PRELID2: variants seen among roughly 807,000 people sequenced by gnomAD.
PRELID2 encodes PRELI domain-containing protein 2.
PRELID2 carries 25 observed loss-of-function variants against 28.4 expected under a neutral mutation model. The observed-to-expected ratio is 0.88, with a 90% confidence interval of 0.64 to 1.23. The LOEUF (loss-of-function observed/expected upper bound fraction) is 1.23, where lower values mean the gene tolerates loss of function less well. PRELID2 is among the 50% of genes most tolerant of loss of function. The probability of loss-of-function intolerance (pLI) is 0.00; values close to 1 mark genes in which losing one functional copy is unlikely to be tolerated. For missense variants in PRELID2, 201 were observed against 214.4 expected (o/e 0.94, Z 0.39); for synonymous variants, 76 against 71.6 (o/e 1.06, Z -0.31).
At chr5:145,502,420 T>A (rs1289493498) in intron 1 of PRELID2, among the ~76,000 whole-genome samples, 1 of 152,052 alleles carries the variant, frequency 6.6e-6, no homozygotes, top group African/African-American at 2.4e-5. Flanking sequence ...AATATGAGAT[T>A]TGAGTGGGGA....
chr5:145,498,521 T>C (rs1035280508), intron 1 of PRELID2, among the ~76,000 whole-genome samples: 2 of 151,696 alleles, frequency 1.3e-5, no homozygotes, highest in African/African-American at 4.8e-5. Flanking sequence ...TTTGTTTGCT[T>C]TGTTTTGTTG....
chr5:145,585,399 A>G (rs751841847), intron 1 of PRELID2, among the ~76,000 whole-genome samples: 2 of 152,194 alleles, frequency 1.3e-5, no homozygotes, highest in African/African-American at 4.8e-5. Flanking sequence ...ATGTTTACCT[A>G]TGTAACAAAT....
At chr5:145,725,060 T>C (rs1048390718) in intron 1 of PRELID2, among the ~76,000 whole-genome samples, 4 of 152,080 alleles carry the variant, frequency 2.6e-5, no homozygotes, top group African/African-American at 4.8e-5. Context: ...ACTTTTTAAA[T>C]GTGGATCTCT....
At chr5:145,239,693 C>T in the PRELID2 span, among the ~76,000 whole-genome samples, 1 of 151,880 alleles carries the variant, frequency 6.6e-6, no homozygotes, top group Non-Finnish European at 1.5e-5. Context: ...GTAAGTTATC[C>T]ATGGAGATAT....
intron 2 of PRELID2, among the ~76,000 whole-genome samples, chr5:145,821,921 A>G (rs748590936): frequency 2.6e-5 from 4 of 152,268 alleles, no homozygotes; most frequent in Non-Finnish European, 5.9e-5. Context: ...CAAGGTAGTA[A>G]TGAAATCAAG....
chr5:145,822,896 C>T (rs1259297168), intron 2 of PRELID2, among the ~76,000 whole-genome samples, 181 bp downstream of exon 2: 1 of 152,166 alleles, frequency 6.6e-6, no homozygotes, highest in Non-Finnish European at 1.5e-5. Flanking sequence ...CTACCTGCCA[C>T]ACCTTTCTAA....
the PRELID2 span, among the ~76,000 whole-genome samples, chr5:145,403,131 T>A: frequency 6.6e-6 from 1 of 152,108 alleles, no homozygotes; most frequent in African/African-American, 2.4e-5. Flanking sequence ...TCTCAAAAGG[T>A]CCAAACACTG....
intron 1 of PRELID2, among the ~76,000 whole-genome samples, chr5:145,636,674 CAGA>C (rs1418773768): frequency 2.6e-5 from 4 of 152,176 alleles, no homozygotes; most frequent in Admixed American, 6.5e-5. Flanking sequence ...TTCTATCCAC[CAGA>C]AGAAGTAGAT....
chr5:145,234,221 A>T, the PRELID2 span, among the ~76,000 whole-genome samples: 2 of 152,140 alleles, frequency 1.3e-5, no homozygotes, highest in African/African-American at 4.8e-5. Context: ...AAATATACTA[A>T]TTCTTAGCAA....
chr5:145,602,338 G>A (rs554965623), intron 1 of PRELID2, among the ~76,000 whole-genome samples: 1 of 152,048 alleles, frequency 6.6e-6, no homozygotes, highest in Non-Finnish European at 1.5e-5. Context: ...GTAACAGTGA[G>A]GAAAATAAAA....
the PRELID2 span, among the ~76,000 whole-genome samples, chr5:145,411,940 G>A: frequency 6.6e-6 from 1 of 152,176 alleles, no homozygotes; most frequent in African/African-American, 2.4e-5. Context: ...AATATCCCGA[G>A]CTGTACCTTG....
At chr5:145,546,654 G>A (rs939781511) in intron 1 of PRELID2, among the ~76,000 whole-genome samples, 3 of 152,158 alleles carry the variant, frequency 2.0e-5, no homozygotes, top group African/African-American at 4.8e-5. Flanking sequence ...ACCTCAGGTA[G>A]AGCAGAGATG....
chr5:145,521,669 C>T lies in PRELID2; in HGVS notation n.71-48354G>A, dbSNP rs571601316. ...ATCCCTATCTTTGTTCTTCAGGGAA[C>T]AGGTAGCTGTCTATGGCAAGAAATG... On this transcript the variant is annotated intron_variant and non_coding_transcript_variant, in intron 1 of 2. Transcript: ENST00000510259. 2.6e-5 allele frequency among the ~76,000 whole-genome samples: 4 copies of T among 152,240 alleles called. No individual in the cohort carries two copies. In the South Asian group the frequency reaches 8.3e-4, roughly 32 times the overall value.
intron 1 of PRELID2, among the ~76,000 whole-genome samples, chr5:145,553,074 A>G (rs188643134): frequency 6.6e-6 from 1 of 152,278 alleles, no homozygotes; most frequent in East Asian, 1.9e-4. Context: ...TGATTAAGAT[A>G]TAAAGTCATC....
At chr5:145,668,645 T>C (rs138241973) in intron 1 of PRELID2, among the ~76,000 whole-genome samples, 7 of 152,214 alleles carry the variant, frequency 4.6e-5, no homozygotes, top group Admixed American at 1.3e-4. Flanking sequence ...GTATATTATA[T>C]AATATAATCC....
chr5:145,274,468 C>T, the PRELID2 span, among the ~76,000 whole-genome samples: 16 of 152,268 alleles, frequency 1.1e-4, no homozygotes, highest in African/African-American at 3.4e-4. Context: ...GAAGTTTTCT[C>T]ATTTGCTCAT....
intron 1 of PRELID2, among the ~76,000 whole-genome samples, chr5:145,722,955 C>G (rs567683151): frequency 1.3e-5 from 2 of 152,136 alleles, no homozygotes; most frequent in South Asian, 4.2e-4. Context: ...GGAAATTTGA[C>G]CAAACTATCA....
chr5:145,601,272 A>C (rs1314915971), intron 1 of PRELID2, among the ~76,000 whole-genome samples: 1 of 152,054 alleles, frequency 6.6e-6, no homozygotes, highest in Non-Finnish European at 1.5e-5. Flanking sequence ...GAAACAGTTG[A>C]TGAAAAAACT....
chr5:145,386,000 T>C, the PRELID2 span, among the ~76,000 whole-genome samples: 10 of 152,030 alleles, frequency 6.6e-5, no homozygotes, highest in South Asian at 2.1e-3. Context: ...GATTGGATCA[T>C]GGGGGCTGTA....
Sources: allele counts gnomAD v4.1 joint callset (sites outside exome capture counted in the v4.1 genomes callset), GRCh38; gene constraint gnomAD v4.1.1; transcripts MANE v1.5; gene names NCBI Gene and HGNC (gene_info 2026-07-23, HGNC 2026-07-21).